The following TNRC6B variants were observed in gnomAD, a reference collection of about 807,000 sequenced individuals.
TNRC6B encodes the protein trinucleotide repeat-containing gene 6B protein.
In TNRC6B, 52 loss-of-function variants were observed where a neutral mutation model predicts 203.6. That is an observed-to-expected ratio of 0.26 (90% CI 0.20 to 0.32). The LOEUF (loss-of-function observed/expected upper bound fraction) is 0.32, where lower values mean the gene tolerates loss of function less well. Among genes scored for constraint, TNRC6B ranks in the 10% least tolerant of loss-of-function variants. TNRC6B has a pLI of 1.00. For synonymous variants in TNRC6B, 838 were observed against 845.7 expected, an observed-to-expected ratio of 0.99 and a Z score of 0.16; for missense variants, 1,923 against 2,286.2, an observed-to-expected ratio of 0.84 and a Z score of 3.24.
upstream of TNRC6B, among the ~76,000 whole-genome samples, chr22:40,176,011 T>A (rs550392109): frequency 4.7e-4 from 71 of 152,286 alleles, 2 homozygotes; most frequent in South Asian, 0.014. Context: ...CCATCAGTTG[T>A]CTGCTGGCTG....
intron 12 of TNRC6B, among the ~76,000 whole-genome samples, chr22:40,296,417 C>T (rs923139146): frequency 2.0e-5 from 3 of 150,970 alleles, no homozygotes; most frequent in Admixed American, 6.6e-5. Flanking sequence ...CTGCAAGCTC[C>T]GCCTCCCGGG....
rs34314387 is a variant in TNRC6B, at chr22:40,269,887, C to CAA, written c.2807-214_2807-213dup. On this transcript the variant is annotated intron_variant, in intron 5 of 22. Coordinates refer to ENST00000454349, the MANE Select transcript of TNRC6B (RefSeq NM_001162501.2). ...TTGGGGATGGAGCAAGACTCTGTCT[C>CAA]AAAAAAAAAAAAAAAAAAAAAATTC... 9.7e-3 allele frequency among the ~76,000 whole-genome samples: 752 copies of CAA among 77,250 alleles called. 10 individuals carry two copies. The highest frequency in any genetic ancestry group is 0.037 in the Middle Eastern group (5 of 136). The allele number at this position is 77,250 out of a possible 152,430, so 50.7% of individuals were successfully genotyped here. A position where few individuals can be genotyped will look rare whatever the true frequency, so the allele number is the denominator to read the frequency against.
chr22:40,193,579 C>A (rs967583319), intron 1 of TNRC6B, among the ~76,000 whole-genome samples: 2 of 152,122 alleles, frequency 1.3e-5, no homozygotes, highest in African/African-American at 4.8e-5. Flanking sequence ...GTAGGCACTT[C>A]ATAAAGTTAG....
intron 1 of TNRC6B, among the ~76,000 whole-genome samples, chr22:40,182,387 C>T (rs1445697589): frequency 6.6e-6 from 1 of 152,210 alleles, no homozygotes; most frequent in Non-Finnish European, 1.5e-5. Context: ...CTAATTGTTT[C>T]TCTGTACAGT....
At chr22:40,186,562 A>AC (rs780655621) in intron 1 of TNRC6B, among the ~76,000 whole-genome samples, 75 of 151,766 alleles carry the variant, frequency 4.9e-4, no homozygotes, top group Non-Finnish European at 9.3e-4. Context: ...ACATGGTGAA[A>AC]CCCCGTCTCT....
At chr22:40,239,211 A>C (rs541997640) in intron 1 of TNRC6B, among the ~76,000 whole-genome samples, 46 of 152,266 alleles carry the variant, frequency 3.0e-4, no homozygotes, top group South Asian at 1.2e-3. Context: ...TCAAAAAGAA[A>C]AGAAAAGTGC....
At chr22:40,261,595 AAAAT>A (rs758337181) in intron 3 of TNRC6B, among the ~76,000 whole-genome samples, 27 of 151,710 alleles carry the variant, frequency 1.8e-4, no homozygotes, top group African/African-American at 5.1e-4. Context: ...CTCCGTCTCA[AAAAT>A]AAATAAATAA....
intron 11 of TNRC6B, among the ~76,000 whole-genome samples, chr22:40,285,394 A>T (rs915672760): frequency 6.6e-6 from 1 of 152,220 alleles, no homozygotes; most frequent in African/African-American, 2.4e-5. Flanking sequence ...AGAATGTAGG[A>T]CTTTTCCTAA....
At chr22:40,138,750 A>G (rs925789768) in intron 3 of TNRC6B, among the ~76,000 whole-genome samples, 1 of 152,232 alleles carries the variant, frequency 6.6e-6, no homozygotes, top group Non-Finnish European at 1.5e-5. Context: ...GCTCAAGTAT[A>G]GAACTGTAGG....
In TNRC6B at chr22:40,280,294, A is replaced by C. The variant is rs192535316; in HGVS notation, c.3411+151A>C. On this transcript the variant is annotated intron_variant, in intron 10 of 22. Coordinates refer to ENST00000454349, the MANE Select transcript of TNRC6B (RefSeq NM_001162501.2). The stretch of plus-strand genomic sequence containing the variant: ...ACCTGCATTAACGTGGTGACCTGAA[A>C]ACCATTGATGTCAACAGGTGATCAG... Among the ~76,000 whole-genome samples, 370 of 152,360 alleles carry C rather than the reference A, an allele frequency of 2.4e-3. 2 individuals carry two copies. Among genetic ancestry groups the C allele is most frequent in the African/African-American group, 7.7e-3 (321 of 41,570 alleles).
At chr22:40,307,509 A>G (rs372870406) in intron 15 of TNRC6B, among the ~76,000 whole-genome samples, 2 of 151,858 alleles carry the variant, frequency 1.3e-5, no homozygotes, top group South Asian at 2.1e-4. Flanking sequence ...GAGAGTTTTT[A>G]TGAACAGGTG....
At chr22:40,309,230 A>G (rs779749955) in intron 16 of TNRC6B, among the ~76,000 whole-genome samples, 2 of 152,166 alleles carry the variant, frequency 1.3e-5, no homozygotes, top group Non-Finnish European at 2.9e-5. Flanking sequence ...TTTCCTGTAA[A>G]ACAGATAAAA....
At chr22:40,167,034 T>C (rs1195768101) in intron 4 of TNRC6B, among the ~76,000 whole-genome samples, 1 of 152,214 alleles carries the variant, frequency 6.6e-6, no homozygotes, top group African/African-American at 2.4e-5. Context: ...AATTGACATA[T>C]GTATATCATA....
upstream of TNRC6B, among the ~76,000 whole-genome samples, chr22:40,176,403 A>G (rs977825401): frequency 7.2e-5 from 11 of 152,096 alleles, no homozygotes; most frequent in African/African-American, 2.7e-4. Flanking sequence ...CTGGGATTAC[A>G]GGTATGAGCC....
At chr22:40,175,735 A>G (rs2069050153), upstream of TNRC6B, among the ~76,000 whole-genome samples, 1 of 152,216 alleles carries the variant, frequency 6.6e-6, no homozygotes, top group Non-Finnish European at 1.5e-5. Flanking sequence ...CTGCATCTCA[A>G]TTGTCAGTGC....
intron 8 of TNRC6B, 110 bp from the exon 9 acceptor site, chr22:40,277,889 A>T: frequency 2.6e-6 from 2 of 776,408 alleles, no homozygotes; most frequent in Non-Finnish European, 4.5e-6. Flanking sequence ...CATTTCAGAG[A>T]ACCTTCTATG....
In TNRC6B at chr22:40,323,045, C is replaced by G. The variant is rs965717437; in HGVS notation, c.5306C>G (p.Ser1769Cys). 3.1e-6 allele frequency: 5 copies of G among 1,600,874 alleles called. No homozygotes were observed. The highest frequency in any genetic ancestry group is 4.3e-6 in the Non-Finnish European group (5 of 1,173,324). The change falls in exon 23 of 23, where the codon TCC becomes TGC. Residue 1769 changes from serine (S) to cysteine (C), a missense_variant. Ser to Cys is a moderately radical substitution (Grantham distance 112). Around this residue, in one of 8 missense-constraint regions of TNRC6B, gnomAD observed 126 missense variants for 137.5 expected, o/e 0.92. Transcript: ENST00000454349. ...VGPALNLFGG[S>C]TGLGQWSSSA... ...CCTGCTCTGAATCTTTTTGGTGGGT[C>G]CACTGGGCTCGGGCAGTGGAGCAGC...
intron 1 of TNRC6B, among the ~76,000 whole-genome samples, chr22:40,096,577 A>G (rs954635143): frequency 6.6e-6 from 1 of 152,202 alleles, no homozygotes; most frequent in African/African-American, 2.4e-5. Context: ...TGCCCCAGCC[A>G]AGGAGATCAC....
intron 1 of TNRC6B, among the ~76,000 whole-genome samples, chr22:40,098,783 AGTG>A (rs2068208575): frequency 1.3e-5 from 2 of 152,028 alleles, no homozygotes; most frequent in African/African-American, 4.8e-5. Flanking sequence ...ACTGGAGTGC[AGTG>A]GTATGATCAT....
Sources: gnomAD v4.1 joint callset for allele counts (sites outside exome capture counted in the v4.1 genomes callset) on GRCh38, gnomAD v4.1.1 for gene constraint, gnomAD v4.1.1 regional missense constraint, MANE v1.5 for transcripts, NCBI Gene and HGNC (gene_info 2026-07-23, HGNC 2026-07-21) for gene names.